Variants in TAMM41 observed in about 807,000 individuals in gnomAD.
The protein encoded by TAMM41 is TAM41 mitochondrial translocator assembly and maintenance homolog.
A neutral mutation model predicts 44.1 loss-of-function variants in TAMM41; 36 were observed. The observed-to-expected ratio is 0.82, with a 90% CI of 0.63 to 1.08. The LOEUF (loss-of-function observed/expected upper bound fraction) is 1.08, where lower values mean the gene tolerates loss of function less well. TAMM41 is among the 50% of genes least tolerant of loss of function. The pLI is 0.00. For missense variants in TAMM41, 417 were observed against 404.3 expected (o/e 1.03, Z -0.27); for synonymous variants, 164 against 153.1 (o/e 1.07, Z -0.53).
chr3:11,785,594 G>T (rs1032603868), downstream of TAMM41, among the ~76,000 whole-genome samples: 1 of 151,992 alleles, frequency 6.6e-6, no homozygotes, highest in Non-Finnish European at 1.5e-5. Context: ...AAAATGCTGG[G>T]ATTACAGGTG....
At chr3:11,846,440 C>T in intron 1 of TAMM41, 62 bp downstream of exon 1, 1 of 1,600,754 alleles carries the variant, frequency 6.2e-7, no homozygotes, top group Non-Finnish European at 8.5e-7. Flanking sequence ...CTGAAGGAAT[C>T]GAGGGCAAAA....
chr3:11,752,445 T>C, the TAMM41 span, among the ~76,000 whole-genome samples: 1 of 151,996 alleles, frequency 6.6e-6, no homozygotes, highest in Non-Finnish European at 1.5e-5. Flanking sequence ...AGAATGCTGA[T>C]TGGTCCATTT....
At chr3:11,790,397 AGG>A, downstream of TAMM41, 1 of 1,039,210 alleles carries the variant, frequency 9.6e-7, no homozygotes, top group South Asian at 1.3e-5. Flanking sequence ...TATGCAAACC[AGG>A]GTATCTTTGA....
chr3:11,793,287 G>C (rs2077530322), intron 7 of TAMM41, among the ~76,000 whole-genome samples: 1 of 152,080 alleles, frequency 6.6e-6, no homozygotes, highest in Non-Finnish European at 1.5e-5. Flanking sequence ...TCAGTCATGA[G>C]GAAAATGTAA....
chr3:11,729,663 G>A, the TAMM41 span, among the ~76,000 whole-genome samples: 1 of 144,480 alleles, frequency 6.9e-6, no homozygotes, highest in Non-Finnish European at 1.5e-5. Flanking sequence ...TGGTTCAAGC[G>A]ATTCTCCTGC....
At chr3:11,759,783 G>GGCCAACATGGTGAAC in the TAMM41 span, among the ~76,000 whole-genome samples, 7 of 152,160 alleles carry the variant, frequency 4.6e-5, no homozygotes, top group South Asian at 1.5e-3. Flanking sequence ...AGACTAGCCT[G>GGCCAACATGGTGAAC]GCCAACATGG....
At chr3:11,788,752 A>C (rs547777143), downstream of TAMM41, among the ~76,000 whole-genome samples, 19 of 152,284 alleles carry the variant, frequency 1.2e-4, no homozygotes, top group African/African-American at 4.3e-4. Context: ...CCTGGCCAAC[A>C]TGATGAAACC....
the TAMM41 span, among the ~76,000 whole-genome samples, chr3:11,782,486 G>A: frequency 1.3e-5 from 2 of 151,200 alleles, no homozygotes; most frequent in Non-Finnish European, 2.9e-5. Flanking sequence ...AGTCAGGGCT[G>A]CAGTAAGCTG....
chr3:11,764,486 C>CTTTTTTTTTTTTT, the TAMM41 span, among the ~76,000 whole-genome samples: 394 of 68,140 alleles, frequency 5.8e-3, 48 homozygotes, highest in East Asian at 0.022. Context: ...TAATCTTATT[C>CTTTTTTTTTTTTT]TTTTTTTTTT....
In TAMM41 at chr3:11,817,207, C is replaced by G. The variant is rs1172373357; in HGVS notation, c.693G>C (p.Gln231His). The G allele has an allele frequency of 1.2e-6, 2 of 1,611,114 alleles. No homozygotes were observed. Among genetic ancestry groups the G allele is most frequent in the African/African-American group, 2.7e-5 (2 of 74,918 alleles). The change falls in exon 5 of 8, where the codon CAG becomes CAC. Residue 231 changes from glutamine to histidine, a missense_variant. Gln to His is a conservative substitution (Grantham distance 24). Coordinates refer to ENST00000455809, the MANE Select transcript of TAMM41 (RefSeq NM_001284401.2). Reference sequence around the variant, plus strand: ...ATACAGTTACCTCCAGCCAGCCTTGCTGGCTTTTATACACCACTTGAGGAT... The same window carrying G: ...ATACAGTTACCTCCAGCCAGCCTTGGTGGCTTTTATACACCACTTGAGGAT... ...QENPQVVYKS[Q>H]QGWLEIDKSP... is the part of the protein sequence containing the mutation.
intron 7 of TAMM41, chr3:11,807,527 C>T (rs1045550618): frequency 1.3e-6 from 2 of 1,536,082 alleles, no homozygotes; most frequent in African/African-American, 2.7e-5. Context: ...TTTTGCAATC[C>T]TATGCATCTG....
chr3:11,739,724 G>T, the TAMM41 span, among the ~76,000 whole-genome samples: 2 of 125,996 alleles, frequency 1.6e-5, no homozygotes, highest in Non-Finnish European at 3.4e-5. Context: ...GGAGCAAAAA[G>T]ATGAGTGAGG....
the TAMM41 span, chr3:11,771,303 GCAATAA>G: frequency 6.6e-6 from 1 of 152,270 alleles, no homozygotes; most frequent in Non-Finnish European, 1.5e-5. Context: ...GAGAACACAG[GCAATAA>G]CCTGTGGCCT....
the TAMM41 span, among the ~76,000 whole-genome samples, chr3:11,768,847 GA>G: frequency 6.6e-6 from 1 of 152,220 alleles, no homozygotes; most frequent in African/African-American, 2.4e-5. Context: ...CAGAGCTTAG[GA>G]GCACAGTGGA....
chr3:11,831,468 C>G (rs1221992145), intron 3 of TAMM41, among the ~76,000 whole-genome samples: 4 of 152,160 alleles, frequency 2.6e-5, no homozygotes, highest in Admixed American at 6.5e-5. Flanking sequence ...CTAGAAGTCC[C>G]TTAATAAGGA....
intron 7 of TAMM41, among the ~76,000 whole-genome samples, chr3:11,802,417 T>C (rs1047050776): frequency 5.9e-5 from 9 of 152,106 alleles, no homozygotes; most frequent in South Asian, 2.1e-4. Context: ...GAGACTATTA[T>C]AAACAACTAG....
chr3:11,762,296 A>G, the TAMM41 span, among the ~76,000 whole-genome samples: 15 of 152,206 alleles, frequency 9.9e-5, no homozygotes, highest in Non-Finnish European at 1.8e-4. Context: ...CTGAGCTCCC[A>G]CACTGCCTGC....
At chr3:11,728,683 A>G in the TAMM41 span, among the ~76,000 whole-genome samples, 2 of 152,156 alleles carry the variant, frequency 1.3e-5, no homozygotes, top group African/African-American at 4.8e-5. Flanking sequence ...ATTGAGGGCG[A>G]TGTTCCAAGG....
chr3:11,782,375 A>G, the TAMM41 span, among the ~76,000 whole-genome samples: 2 of 152,022 alleles, frequency 1.3e-5, no homozygotes, highest in Non-Finnish European at 1.5e-5. Context: ...GTGAAACCCC[A>G]TCTCTACTAA....
Sources: allele counts gnomAD v4.1 joint callset (sites outside exome capture counted in the v4.1 genomes callset), GRCh38; gene constraint gnomAD v4.1.1; transcripts MANE v1.5; gene names NCBI Gene and HGNC (gene_info 2026-07-23, HGNC 2026-07-21).